The following RARA variants were observed in gnomAD, a reference collection of about 807,000 sequenced individuals.
RARA encodes the protein retinoic acid receptor alpha.
RARA carries 5 observed loss-of-function variants against 42.8 expected under a neutral mutation model. That is an observed-to-expected ratio of 0.12 (90% CI 0.06 to 0.25). The LOEUF (loss-of-function observed/expected upper bound fraction) is 0.25. RARA is among the 10% of genes least tolerant of loss of function. RARA has a pLI of 1.00. For synonymous variants in RARA, 256 were observed against 259.5 expected (o/e 0.99, Z 0.13); for missense variants, 402 against 628.7 (o/e 0.64, Z 3.86).
chr17:40,355,194 C>G lies in RARA; in HGVS notation c.1013-69C>G, dbSNP rs1415536089. The G allele has an allele frequency of 1.3e-6, 2 of 1,495,946 alleles. No individual in the cohort carries two copies. Among genetic ancestry groups the G allele is most frequent in the Non-Finnish European group, 1.8e-6 (2 of 1,116,196 alleles). The allele number at this position is 1,495,946 out of a possible 1,614,324, so 92.7% of individuals were successfully genotyped here. ...TCCTCCATGGCCTGGGCAGGCACGC[C>G]CCCCGGTGGCCGAGGCTGGGGGTGC... On this transcript the variant is annotated intron_variant, in intron 7 of 8. Coordinates refer to ENST00000254066, the MANE Select transcript of RARA (RefSeq NM_000964.4). This position sits in a 1 kb window ranked among gnomAD's most constrained non-coding sequence, Gnocchi z 4.1.
In RARA at chr17:40,351,833, G is replaced by C; in HGVS notation, c.470-77G>C. The C allele has an allele frequency of 1.3e-6, 2 of 1,546,544 alleles. No individual in the cohort carries two copies. Among genetic ancestry groups the C allele is most frequent in the East Asian group, 2.3e-5 (1 of 43,400 alleles). ...TGGGTGACCTCCTCAGCAGCTGGCA[G>C]CTCTCTGTCAGGCTGGGGGTGGACG... On this transcript the variant is annotated intron_variant, in intron 4 of 8. Coordinates refer to ENST00000254066, the MANE Select transcript of RARA (RefSeq NM_000964.4). The surrounding 1 kb of genome is among the most constrained non-coding windows in gnomAD (Gnocchi z 4.1).
chr17:40,325,760 C>T (rs1180679808), intron 1 of RARA, among the ~76,000 whole-genome samples: 3 of 152,152 alleles, frequency 2.0e-5, no homozygotes, highest in Non-Finnish European at 4.4e-5. Context: ...CTTTTAAGCT[C>T]CCCAATACTT....
intron 2 of RARA, among the ~76,000 whole-genome samples, chr17:40,334,497 T>C (rs1312580080): frequency 6.6e-6 from 1 of 152,224 alleles, no homozygotes; most frequent in Non-Finnish European, 1.5e-5. Flanking sequence ...CAGGGCTGCC[T>C]GGTGGACAGA....
chr17:40,341,430 GAC>G, intron 2 of RARA: 1 of 1,525,984 alleles, frequency 6.6e-7, no homozygotes, highest in East Asian at 2.8e-5. Context: ...GTCTCATTCC[GAC>G]ACAGCGTCCG....
At chr17:40,328,801 A>G (rs1004945894) in intron 1 of RARA, among the ~76,000 whole-genome samples, 3 of 152,186 alleles carry the variant, frequency 2.0e-5, no homozygotes, top group Non-Finnish European at 4.4e-5. Flanking sequence ...ACAACATTTT[A>G]TTTATTCGTC....
At chr17:40,342,557 C>A (rs1282160780) in intron 2 of RARA, 3 of 1,353,128 alleles carry the variant, frequency 2.2e-6, no homozygotes, top group African/African-American at 1.5e-5. Flanking sequence ...GACTTCAGGG[C>A]AGGGGGCGCC....
Position 40,354,186 on chromosome 17 carries a change from A to G in RARA, c.808-116A>G. 1 of 946,968 alleles carries G rather than the reference A, an allele frequency of 1.1e-6. No homozygotes were observed. Among genetic ancestry groups the G allele is most frequent in the Non-Finnish European group, 1.6e-6 (1 of 618,382 alleles). 58.7% of individuals were successfully genotyped at this position (946,968 alleles called of 1,614,324 possible). A position where few individuals can be genotyped will look rare whatever the true frequency, so the allele number is the denominator to read the frequency against. On this transcript the variant is annotated intron_variant, in intron 6 of 8. Coordinates refer to ENST00000254066, the MANE Select transcript of RARA (RefSeq NM_000964.4). This position sits in a 1 kb window ranked among gnomAD's most constrained non-coding sequence, Gnocchi z 4.5. ...ATTGTAGAAAATTCTATCAGACAGC[A>G]TTGCTCCGGCCACCTGCCAGGTGGT...
intron 1 of RARA, among the ~76,000 whole-genome samples, chr17:40,313,392 G>A (rs1388411714): frequency 6.6e-6 from 1 of 152,130 alleles, no homozygotes; most frequent in African/African-American, 2.4e-5. Flanking sequence ...GGCAAGTTGG[G>A]GTGTGTATGG....
chr17:40,337,921 A>G (rs796285585), intron 2 of RARA, among the ~76,000 whole-genome samples: 39 of 152,274 alleles, frequency 2.6e-4, no homozygotes, highest in African/African-American at 8.7e-4. Flanking sequence ...CAGCCCAGGC[A>G]GAGGGACAGC....
chr17:40,353,669 C>T (rs533620391), intron 6 of RARA, among the ~76,000 whole-genome samples: 5 of 152,182 alleles, frequency 3.3e-5, no homozygotes, highest in South Asian at 2.1e-4. Context: ...TTGGCCAGGC[C>T]GGTCTCGAAC....
Position 40,355,277 on chromosome 17 carries a change from G to A in RARA, c.1027G>A (p.Glu343Lys). The A allele has an allele frequency of 6.3e-7, 1 of 1,581,742 alleles. No individual in the cohort carries two copies. The highest frequency in any genetic ancestry group is 8.6e-7 in the Non-Finnish European group (1 of 1,163,430). The change falls in exon 8 of 9, where the codon GAG becomes AAG. Residue 343 changes from glutamate (E) to lysine (K), a missense_variant. By Grantham distance (56) the Glu-to-Lys change is moderately conservative. Transcript: ENST00000254066. This position sits in a 1 kb window ranked among gnomAD's most constrained non-coding sequence, Gnocchi z 4.1. The part of the protein sequence containing the change: ...CLICGDRQDL[E>K]QPDRVDMLQE... The stretch of plus-strand genomic sequence containing the variant: ...TGCTTCCTCAGACCGCCAGGACCTG[G>A]AGCAGCCGGACCGGGTGGACATGCT...
intron 2 of RARA, 83 bp from the exon 3 acceptor site, chr17:40,348,233 G>A: frequency 6.9e-7 from 1 of 1,446,430 alleles, no homozygotes; most frequent in South Asian, 1.5e-5. Flanking sequence ...AGGCTCTTAG[G>A]AGGGACGGTG....
intron 6 of RARA, among the ~76,000 whole-genome samples, chr17:40,353,035 T>C (rs2034503905): frequency 6.6e-6 from 1 of 152,126 alleles, no homozygotes; most frequent in South Asian, 2.1e-4. Flanking sequence ...AGGCAAGAGA[T>C]AAGTCAACAG....
At position 40,354,821 on chromosome 17, in the gene RARA, G is replaced by C. The variant is rs1366776713; in HGVS notation, c.1012+315G>C. 1.3e-5 allele frequency among the ~76,000 whole-genome samples: 2 copies of C among 152,172 alleles called. No homozygotes were observed. Among genetic ancestry groups the C allele is most frequent in the Admixed American group, 1.3e-4 (2 of 15,284 alleles). ...GTTTCTGTACAGTGGGGGCGGTAAC[G>C]GTCTCTAGCTCATGAAGTTGATGGG... On this transcript the variant is annotated intron_variant, in intron 7 of 8. Transcript: ENST00000254066. This position sits in a 1 kb window ranked among gnomAD's most constrained non-coding sequence, Gnocchi z 4.5.
At chr17:40,323,425 T>G (rs1234102926) in intron 1 of RARA, among the ~76,000 whole-genome samples, 1 of 151,780 alleles carries the variant, frequency 6.6e-6, no homozygotes, top group Non-Finnish European at 1.5e-5. Flanking sequence ...CCCAGGGAGT[T>G]TCTGTGGCTT....
At chr17:40,310,194 G>A (rs984435694) in intron 1 of RARA, among the ~76,000 whole-genome samples, 3 of 152,186 alleles carry the variant, frequency 2.0e-5, no homozygotes, top group African/African-American at 4.8e-5. Context: ...CTTCTGCCCC[G>A]CTACAGGCTC....
At chr17:40,338,838 C>T (rs1598561250) in intron 2 of RARA, among the ~76,000 whole-genome samples, 3 of 151,244 alleles carry the variant, frequency 2.0e-5, no homozygotes, top group Admixed American at 2.0e-4. Flanking sequence ...AGCGAAATAG[C>T]GAAACCCCAT....
At chr17:40,310,500 G>T (rs1031703537) in intron 1 of RARA, among the ~76,000 whole-genome samples, 1 of 152,134 alleles carries the variant, frequency 6.6e-6, no homozygotes, top group African/African-American at 2.4e-5. Context: ...CTCTGTCTAG[G>T]TGTGGGGTGT....
At chr17:40,342,131 G>C (rs1308582087) in intron 2 of RARA, 3 of 1,047,820 alleles carry the variant, frequency 2.9e-6, no homozygotes, top group African/African-American at 3.3e-5. Context: ...CCGGAGGGGA[G>C]GGGGCGCGCA....
Sources: gnomAD v4.1 joint callset for allele counts (sites outside exome capture counted in the v4.1 genomes callset) on GRCh38, gnomAD v4.1.1 for gene constraint, Gnocchi (gnomAD v3.1) non-coding constraint, MANE v1.5 for transcripts, NCBI Gene and HGNC (gene_info 2026-07-23, HGNC 2026-07-21) for gene names.